The following AARS1 variants were observed in gnomAD, a reference collection of about 807,000 sequenced individuals.
The protein encoded by AARS1 is alanyl-tRNA synthetase 1.
AARS1 carries 72 observed loss-of-function variants against 108.9 expected under a neutral mutation model. The ratio of observed to expected loss-of-function variants is 0.66; its 90% CI spans 0.55 to 0.80. The LOEUF (loss-of-function observed/expected upper bound fraction) is 0.80. AARS1 is among the 30% of genes least tolerant of loss of function. The pLI, the probability that AARS1 is intolerant of heterozygous loss-of-function variation, is 0.00. For missense variants in AARS1, 1,193 were observed against 1,233.2 expected, an observed-to-expected ratio of 0.97 and a Z score of 0.49; for synonymous variants, 489 against 465.7, an observed-to-expected ratio of 1.05 and a Z score of -0.64.
At position 70,253,759 on chromosome 16, in the gene AARS1, G is replaced by C. The variant is rs1260237711; in HGVS notation, c.2562C>G (p.Asn854Lys). 2.3e-5 allele frequency: 37 copies of C among 1,614,076 alleles called. No individual in the cohort carries two copies. The highest frequency in any genetic ancestry group is 3.1e-5 in the Non-Finnish European group (36 of 1,180,058). Residue 854 changes from asparagine (N) to lysine (K), a missense_variant, in exon 19 of 21, where the codon AAC becomes AAG. Coordinates refer to ENST00000261772, the MANE Select transcript of AARS1 (RefSeq NM_001605.3). ...KTKQFIDSNP[N>K]QPLVILEMES... Reference sequence around the variant, plus strand: ...CCATCTCCAGGATGACAAGAGGCTGGTTGGGGTTGCTGTCGATGAACTGCT... The same window carrying C: ...CCATCTCCAGGATGACAAGAGGCTGCTTGGGGTTGCTGTCGATGAACTGCT...
chr16:70,275,548 G>A (rs1013596145), intron 4 of AARS1, among the ~76,000 whole-genome samples: 3 of 151,830 alleles, frequency 2.0e-5, no homozygotes, highest in African/African-American at 7.3e-5. Flanking sequence ...GGATCACGAG[G>A]TCAGGAGATC....
chr16:70,262,996 AAAC>A (rs1447136751), intron 11 of AARS1, among the ~76,000 whole-genome samples: 358 of 129,070 alleles, frequency 2.8e-3, no homozygotes, highest in Non-Finnish European at 4.0e-3. Flanking sequence ...AAAAAAAAAA[AAAC>A]AACAACAACA....
chr16:70,252,787 G>A lies in AARS1; in HGVS notation c.2841C>T (p.Cys947=), dbSNP rs1555539162. 1 of 1,614,178 alleles carries A rather than the reference G, an allele frequency of 6.2e-7. No homozygotes were observed. The highest frequency in any genetic ancestry group is 1.1e-5 in the South Asian group (1 of 91,086). The part of the protein sequence containing the change: ...SAQATGKNVG[C]LQEALQLATS... Reference sequence around the variant, plus strand: ...TGGCCAGCTGCAGCGCCTCCTGCAGGCAGCCAACGTTCTTGCCTGTGGCCT... The same window carrying A: ...TGGCCAGCTGCAGCGCCTCCTGCAGACAGCCAACGTTCTTGCCTGTGGCCT... Residue 947 remains cysteine (C), a synonymous_variant, in exon 21 of 21, where the codon TGC becomes TGT. Transcript: ENST00000261772.
intron 7 of AARS1, among the ~76,000 whole-genome samples, chr16:70,268,843 C>T (rs1471680306): frequency 1.3e-5 from 2 of 152,210 alleles, no homozygotes; most frequent in African/African-American, 4.8e-5. Flanking sequence ...TCCCTTCATC[C>T]CTTAAAAAAG....
chr16:70,282,656 G>A lies in AARS1; in HGVS notation c.108C>T (p.Asp36=), dbSNP rs771930909. 1 of 1,614,178 alleles carries A rather than the reference G, an allele frequency of 6.2e-7. No individual in the cohort carries two copies. The highest frequency in any genetic ancestry group is 1.7e-5 in the Admixed American group (1 of 60,010). ...CTGCATTGGCAAAGAGCAAAGTGGG[G>A]TCATCCAATGGGATGGTGGCAGACG... ...VHSSATIPLD[D]PTLLFANAGM... The change falls in exon 2 of 21, where the codon GAC becomes GAT. Residue 36 remains aspartate, a synonymous_variant. Transcript: ENST00000261772.
chr16:70,255,970 C>T (rs185248006), intron 15 of AARS1, 134 bp from the exon 16 acceptor site: 1 of 776,796 alleles, frequency 1.3e-6, no homozygotes, highest in Non-Finnish European at 2.2e-6. Context: ...TATTCTGACA[C>T]CAAGCGGGAC....
chr16:70,282,481 G>C (rs1960724816), intron 2 of AARS1, 139 bp downstream of exon 2: 3 of 1,016,626 alleles, frequency 3.0e-6, no homozygotes, highest in Non-Finnish European at 1.5e-6. Flanking sequence ...AAGAAACTGA[G>C]GCCCATCACA....
intron 16 of AARS1, 126 bp downstream of exon 16, chr16:70,255,602 G>A: frequency 1.2e-6 from 1 of 829,366 alleles, no homozygotes; most frequent in Admixed American, 2.0e-5. Flanking sequence ...GGCAGGGGGA[G>A]TGGCCCAGCC....
chr16:70,255,528 T>C (rs946837409), intron 16 of AARS1, among the ~76,000 whole-genome samples, 200 bp downstream of exon 16: 1 of 148,036 alleles, frequency 6.8e-6, no homozygotes, highest in Non-Finnish European at 1.5e-5. Flanking sequence ...AGACTAAACA[T>C]AGGAAAGCTA....
chr16:70,253,980 T>C lies in AARS1; in HGVS notation c.2459A>G (p.Lys820Arg), dbSNP rs147319762. The C allele has an allele frequency of 2.5e-3, 4,008 of 1,614,152 alleles. 9 individuals carry two copies. Among genetic ancestry groups the C allele is most frequent in the Middle Eastern group, 6.1e-3 (37 of 6,062 alleles). Residue 820 changes from lysine to arginine, a missense_variant, in exon 18 of 21, where the codon AAA (lysine) becomes AGA (arginine). Lys to Arg is a conservative substitution (Grantham distance 26). Transcript: ENST00000261772. The stretch of plus-strand genomic sequence containing the variant: ...GTCATCCATGACCTTCTTTAGGGAT[T>C]TGAGAGTCTCCCGCAATTCATCCTT... ...WQKDELRETL[K>R]SLKKVMDDLD... is the part of the protein sequence containing the mutation.
At chr16:70,272,462 C>T (rs923215520) in intron 4 of AARS1, among the ~76,000 whole-genome samples, 1 of 131,524 alleles carries the variant, frequency 7.6e-6, no homozygotes, top group African/African-American at 2.9e-5. Flanking sequence ...GCCGGGATCG[C>T]GCCATTGCAC....
Position 70,265,544 on chromosome 16 carries a change from C to A in AARS1, c.1341G>T (p.Leu447=). The A allele has an allele frequency of 1.2e-6, 2 of 1,613,890 alleles. No individual in the cohort carries two copies. The highest frequency in any genetic ancestry group is 1.7e-6 in the Non-Finnish European group (2 of 1,179,888). The change falls in exon 10 of 21, where the codon CTG becomes CTT. Residue 447 remains leucine, a synonymous_variant. Coordinates refer to ENST00000261772, the MANE Select transcript of AARS1 (RefSeq NM_001605.3). The stretch of plus-strand genomic sequence containing the variant: ...CACTCTCCAAGTTCTTTACCTGGGC[C>A]AGTTTCCTCTCCTCTTCAAAGCCAT... ...DMDGFEEERK[L]AQLKSQGKGA... is the part of the protein sequence containing the mutation.
intron 1 of AARS1, among the ~76,000 whole-genome samples, chr16:70,283,093 T>A (rs1567612840): frequency 6.6e-6 from 1 of 151,840 alleles, no homozygotes; most frequent in Non-Finnish European, 1.5e-5. Flanking sequence ...GGCCCGAGAC[T>A]AGGAATTAGA....
chr16:70,268,898 G>T (rs888513724), intron 7 of AARS1, among the ~76,000 whole-genome samples: 1 of 152,290 alleles, frequency 6.6e-6, no homozygotes, highest in South Asian at 2.1e-4. Context: ...AAACAATAAC[G>T]AAAGATGGCT....
At chr16:70,286,565 G>T (rs75655605) in intron 1 of AARS1, among the ~76,000 whole-genome samples, 1 of 151,950 alleles carries the variant, frequency 6.6e-6, no homozygotes, top group Non-Finnish European at 1.5e-5. Flanking sequence ...AGGCCGGGTA[G>T]GGTGGCTCAC....
Position 70,267,771 on chromosome 16 carries a change from C to A in AARS1, c.1110G>T (p.Met370Ile). 1 of 1,614,148 alleles carries A rather than the reference C, an allele frequency of 6.2e-7. No individual in the cohort carries two copies. The highest frequency in any genetic ancestry group is 8.5e-7 in the Non-Finnish European group (1 of 1,180,026). The change falls in exon 9 of 21, where the codon ATG becomes ATT. Residue 370 changes from methionine to isoleucine, a missense_variant. Coordinates refer to ENST00000261772, the MANE Select transcript of AARS1 (RefSeq NM_001605.3). ...AFPELKKDPDMVKDIINEEEV... is the reference protein window; with the variant it reads ...AFPELKKDPDIVKDIINEEEV... ...CTTCTTCATTAATGATGTCCTTCAC[C>A]ATGTCTGGGTCCTTCTTCAGCTCAG...
chr16:70,266,259 A>G (rs1262235016), intron 9 of AARS1, among the ~76,000 whole-genome samples: 1 of 151,982 alleles, frequency 6.6e-6, no homozygotes, highest in Non-Finnish European at 1.5e-5. Context: ...GCTTGCAGTG[A>G]GCCGAGATAG....
At chr16:70,265,382 C>T (rs1375370062) in intron 10 of AARS1, 156 bp downstream of exon 10, 46 of 1,208,424 alleles carry the variant, frequency 3.8e-5, no homozygotes, top group Non-Finnish European at 5.0e-5. Flanking sequence ...GCCAATTACT[C>T]CCTGGAAGGC....
chr16:70,271,257 G>A (rs1022841518), intron 5 of AARS1, among the ~76,000 whole-genome samples: 8 of 152,030 alleles, frequency 5.3e-5, no homozygotes, highest in Non-Finnish European at 7.4e-5. Flanking sequence ...GTTCTGGCAC[G>A]GTGGCTCACA....
Sources: gnomAD v4.1 joint callset for allele counts (sites outside exome capture counted in the v4.1 genomes callset) on GRCh38, gnomAD v4.1.1 for gene constraint, MANE v1.5 for transcripts, NCBI Gene and HGNC (gene_info 2026-07-23, HGNC 2026-07-21) for gene names.